The following HTR1F variants were observed in gnomAD, a reference collection of about 807,000 sequenced individuals.
HTR1F encodes the protein 5-hydroxytryptamine receptor 1F, also known as 5-hydroxytryptamine (serotonin) receptor 1F, G protein-coupled.
A neutral mutation model predicts 24.0 loss-of-function variants in HTR1F; 17 were observed. The ratio of observed to expected loss-of-function variants is 0.71; its 90% CI spans 0.48 to 1.06. HTR1F has a LOEUF of 1.06. HTR1F is among the 50% of genes least tolerant of loss of function. The pLI, the probability that HTR1F is intolerant of heterozygous loss-of-function variation, is 0.00. For missense variants in HTR1F, 391 were observed against 427.8 expected, an observed-to-expected ratio of 0.91 and a Z score of 0.76; for synonymous variants, 186 against 156.8, an observed-to-expected ratio of 1.19 and a Z score of -1.39.
rs142361585 is a variant in HTR1F, at chr3:87,967,644, G to A, written c.-42-23064G>A. Among the ~76,000 whole-genome samples, 495 of 152,082 alleles carry A rather than the reference G, an allele frequency of 3.3e-3. 3 individuals are homozygous for A. The highest frequency in any genetic ancestry group is 0.01 in the African/African-American group (432 of 41,476). On this transcript the variant is annotated intron_variant, in intron 2 of 2. Coordinates refer to ENST00000319595, the MANE Select transcript of HTR1F (RefSeq NM_001322209.2). ...TCTCATGATAGTGAAAAAATGTCAC[G>A]AGATCTGATGGTTTTATAAAGGGGA... is the stretch of plus-strand genomic sequence containing the variant.
intron 2 of HTR1F, among the ~76,000 whole-genome samples, chr3:87,982,428 T>A (rs1189379085): frequency 6.6e-6 from 1 of 152,222 alleles, no homozygotes; most frequent in African/African-American, 2.4e-5. Context: ...ACGTAGTGAC[T>A]GTCAATCCGA....
intron 2 of HTR1F, among the ~76,000 whole-genome samples, chr3:87,974,134 G>A (rs1409129953): frequency 1.3e-5 from 2 of 152,172 alleles, no homozygotes; most frequent in Non-Finnish European, 2.9e-5. Flanking sequence ...TAATTTCCAT[G>A]CAGAAGCCAT....
chr3:87,817,717 T>C (rs1275191720), intron 1 of HTR1F, among the ~76,000 whole-genome samples: 1 of 152,148 alleles, frequency 6.6e-6, no homozygotes, highest in African/African-American at 2.4e-5. Flanking sequence ...ATGCCTTTAC[T>C]CCAAGTGACA....
chr3:87,820,175 ATT>A (rs1370534998), intron 1 of HTR1F, among the ~76,000 whole-genome samples: 14 of 130,608 alleles, frequency 1.1e-4, no homozygotes, highest in Non-Finnish European at 1.6e-4. Context: ...ATCATGACCC[ATT>A]TTTTTTTTTT....
intron 2 of HTR1F, among the ~76,000 whole-genome samples, chr3:87,946,000 T>C (rs1309137548): frequency 6.6e-6 from 1 of 152,166 alleles, no homozygotes; most frequent in Admixed American, 6.5e-5. Flanking sequence ...GAATGGAACC[T>C]TGGGCCACGC....
intron 1 of HTR1F, among the ~76,000 whole-genome samples, chr3:87,811,711 T>C (rs1704164091): frequency 6.6e-6 from 1 of 152,170 alleles, no homozygotes; most frequent in East Asian, 1.9e-4. Flanking sequence ...TTTCAAGCTA[T>C]CTTCATGAAG....
intron 2 of HTR1F, among the ~76,000 whole-genome samples, chr3:87,939,796 A>G (rs1704520797): frequency 6.6e-6 from 1 of 152,142 alleles, no homozygotes; most frequent in Non-Finnish European, 1.5e-5. Context: ...TATTTTGACA[A>G]TCTTTTCACA....
Position 87,883,752 on chromosome 3 carries a change from A to G in HTR1F, c.-43+61628A>G, listed in dbSNP as rs138039637. On this transcript the variant is annotated intron_variant, in intron 2 of 2. Transcript: ENST00000319595. ...TGGAAGAAAGGATATCAGTGATTGA[A>G]TATCAAATCAATGAAATAAAGCAAG... Among the ~76,000 whole-genome samples, 884 of 152,306 alleles carry G rather than the reference A, an allele frequency of 5.8e-3. 5 individuals are homozygous for G. The highest frequency in any genetic ancestry group is 1.0e-2 in the Non-Finnish European group (679 of 68,024).
intron 2 of HTR1F, among the ~76,000 whole-genome samples, chr3:87,983,436 C>T (rs1705595769): frequency 6.6e-6 from 1 of 152,126 alleles, no homozygotes; most frequent in Non-Finnish European, 1.5e-5. Flanking sequence ...ATACTCCAGC[C>T]CTGGAATCAC....
rs1162746320 is a variant in HTR1F, at chr3:87,975,022, TATA to T, written c.-42-15682_-42-15680del. Among the ~76,000 whole-genome samples, 3 of 152,292 alleles carry T rather than the reference TATA, an allele frequency of 2.0e-5. No homozygotes were observed. In the East Asian group the frequency reaches 5.8e-4, roughly 29 times the overall value. On this transcript the variant is annotated intron_variant, in intron 2 of 2. Coordinates refer to ENST00000319595, the MANE Select transcript of HTR1F (RefSeq NM_001322209.2). ...CACTTCTGAAATATCCAACATACTC[TATA>T]ATATTTTATAATTTTATCTAAAACA...
chr3:87,979,081 G>GAGGGAGGGAGGGGGGAGGA (rs1705480907), intron 2 of HTR1F, among the ~76,000 whole-genome samples: 2 of 7,116 alleles, frequency 2.8e-4, no homozygotes. Context: ...GGGAGGGGGG[G>GAGGGAGGGAGGGGGGAGGA]AGGAAGGAAG....
chr3:87,870,956 G>A (rs1251750657), intron 2 of HTR1F, among the ~76,000 whole-genome samples: 4 of 149,850 alleles, frequency 2.7e-5, no homozygotes, highest in Non-Finnish European at 3.0e-5. Flanking sequence ...AAGACTGGGA[G>A]AGATGGCTAC....
intron 2 of HTR1F, among the ~76,000 whole-genome samples, chr3:87,842,318 G>A (rs553218763): frequency 4.6e-5 from 7 of 151,416 alleles, no homozygotes; most frequent in Admixed American, 6.6e-5. Context: ...CCACCACCAC[G>A]CCCGGCTAAT....
At chr3:87,802,789 G>A (rs1270011723) in intron 1 of HTR1F, among the ~76,000 whole-genome samples, 3 of 152,134 alleles carry the variant, frequency 2.0e-5, no homozygotes, top group Non-Finnish European at 2.9e-5. Context: ...AAAGTAAATA[G>A]GTTAGTTGCA....
intron 2 of HTR1F, among the ~76,000 whole-genome samples, chr3:87,923,907 G>A (rs1265300448): frequency 6.6e-6 from 1 of 151,896 alleles, no homozygotes; most frequent in Non-Finnish European, 1.5e-5. Flanking sequence ...GTATTTTGTT[G>A]AGGATGTTTG....
At chr3:87,927,887 T>A (rs961300619) in intron 2 of HTR1F, among the ~76,000 whole-genome samples, 1 of 152,102 alleles carries the variant, frequency 6.6e-6, no homozygotes, top group Non-Finnish European at 1.5e-5. Context: ...GATTCTACAA[T>A]GCATTAATTT....
chr3:87,937,559 A>G (rs191048121), intron 2 of HTR1F, among the ~76,000 whole-genome samples: 140 of 152,284 alleles, frequency 9.2e-4, no homozygotes, highest in South Asian at 1.5e-3. Context: ...CCAGCACAAG[A>G]CAAAGATGAC....
At chr3:87,955,015 A>T (rs56126309) in intron 2 of HTR1F, among the ~76,000 whole-genome samples, 13,274 of 151,112 alleles carry the variant, frequency 0.088, 757 homozygotes, top group Middle Eastern at 0.14. Context: ...TGTCTCAGTT[A>T]TTTGGTGTCC....
At chr3:87,974,561 T>TG (rs1705354337) in intron 2 of HTR1F, among the ~76,000 whole-genome samples, 1 of 6,636 alleles carries the variant, frequency 1.5e-4, no homozygotes, top group Admixed American at 3.3e-3. Context: ...CCTGGCAATC[T>TG]TTTTTTAAAA....
Sources: gnomAD v4.1 joint callset for allele counts (sites outside exome capture counted in the v4.1 genomes callset) on GRCh38, gnomAD v4.1.1 for gene constraint, MANE v1.5 for transcripts, NCBI Gene and HGNC (gene_info 2026-07-23, HGNC 2026-07-21) for gene names.